Variants in YARS1 observed in about 807,000 individuals in gnomAD.
YARS1 encodes tyrosine--tRNA ligase, cytoplasmic.
YARS1 carries 36 observed loss-of-function variants against 62.2 expected under a neutral mutation model. The ratio of observed to expected loss-of-function variants is 0.58; its 90% CI spans 0.44 to 0.76. The LOEUF (loss-of-function observed/expected upper bound fraction) is 0.76, where lower values mean the gene tolerates loss of function less well. Ranked by LOEUF, YARS1 falls within the 30% of genes least tolerant of loss-of-function variation. The pLI is 0.00. For synonymous variants in YARS1, 234 were observed against 244.9 expected (o/e 0.96, Z 0.42); for missense variants, 524 against 639.8 (o/e 0.82, Z 1.95).
At chr1:32,804,616 G>A (rs1217739489) in intron 4 of YARS1, among the ~76,000 whole-genome samples, 3 of 151,286 alleles carry the variant, frequency 2.0e-5, no homozygotes, top group African/African-American at 7.3e-5. Flanking sequence ...GGACAGAGGC[G>A]CTCCTCACAT....
chr1:32,817,164 G>C (rs200678617), intron 1 of YARS1, 24 bp downstream of exon 1: 9 of 1,613,870 alleles, frequency 5.6e-6, no homozygotes, highest in Non-Finnish European at 7.6e-6. Context: ...CCCCAACGGC[G>C]CATTTCCAAC....
intron 7 of YARS1, 180 bp downstream of exon 7, chr1:32,786,760 A>AAT: frequency 1.1e-6 from 1 of 934,034 alleles, no homozygotes. Flanking sequence ...CCTGGTAACG[A>AAT]ATATATGGAC....
intron 3 of YARS1, 88 bp downstream of exon 3, chr1:32,810,503 C>T: frequency 6.4e-7 from 1 of 1,554,090 alleles, no homozygotes; most frequent in Non-Finnish European, 8.9e-7. Context: ...AGCTTCTAAT[C>T]TAAATGTAAA....
At chr1:32,813,180 G>A (rs1018209634) in intron 1 of YARS1, among the ~76,000 whole-genome samples, 1 of 151,974 alleles carries the variant, frequency 6.6e-6, no homozygotes, top group East Asian at 1.9e-4. Flanking sequence ...TGTAACTTCT[G>A]TCTCCCCAAA....
intron 4 of YARS1, among the ~76,000 whole-genome samples, chr1:32,802,135 G>C (rs1638317693): frequency 6.6e-6 from 1 of 151,810 alleles, no homozygotes; most frequent in African/African-American, 2.4e-5. Context: ...TTTTAGTAGA[G>C]ACGGGGTTTC....
chr1:32,809,100 T>C (rs1228495838), intron 3 of YARS1, among the ~76,000 whole-genome samples: 1 of 152,124 alleles, frequency 6.6e-6, no homozygotes, highest in African/African-American at 2.4e-5. Context: ...TTTTCTTTTT[T>C]TTTTGAGATG....
In YARS1 at chr1:32,780,222, T is replaced by C. The variant is rs768603403; in HGVS notation, c.1197A>G (p.Pro399=). The stretch of plus-strand genomic sequence containing the variant: ...GTACCAGGCCGCTCACCACAGTCCG[T>C]GGTTCAGCTTCCCCCACGTCAATCT... The part of the protein sequence containing the change: ...VEKIDVGEAE[P]RTVVSGLVQF... The change falls in exon 11 of 13, where the codon CCA becomes CCG. Residue 399 remains proline (P), a synonymous_variant. Coordinates refer to ENST00000373477, the MANE Select transcript of YARS1 (RefSeq NM_003680.4). 11 of 1,614,022 alleles carry C rather than the reference T, an allele frequency of 6.8e-6. No homozygotes were observed. Among genetic ancestry groups the C allele is most frequent in the South Asian group, 1.1e-5 (1 of 91,086 alleles).
intron 4 of YARS1, among the ~76,000 whole-genome samples, chr1:32,801,482 AT>A (rs1400147517): frequency 6.6e-6 from 1 of 152,150 alleles, no homozygotes; most frequent in Non-Finnish European, 1.5e-5. Flanking sequence ...GCAAGTCATA[AT>A]CTTCTTGCTG....
At chr1:32,809,418 T>TA (rs1327585093) in intron 3 of YARS1, among the ~76,000 whole-genome samples, 1 of 152,106 alleles carries the variant, frequency 6.6e-6, no homozygotes, top group Non-Finnish European at 1.5e-5. Context: ...TCTTTTTTTT[T>TA]AGAGATGAGG....
rs11318209 is a variant in YARS1, at chr1:32,789,588, AT to A, written c.684+1573del. ...AAAATCTCTTGGGATTGGGCCAGGC[AT>A]TTTTTTTTTTTTTTTTTAAGACGGA... is the stretch of plus-strand genomic sequence containing the variant. On this transcript the variant is annotated intron_variant, in intron 6 of 12. Coordinates refer to ENST00000373477, the MANE Select transcript of YARS1 (RefSeq NM_003680.4). 6.0e-3 allele frequency among the ~76,000 whole-genome samples: 817 copies of A among 136,308 alleles called. 1 individual carries two copies. The highest frequency in any genetic ancestry group is 7.2e-3 in the African/African-American group (269 of 37,112). 89.4% of individuals were successfully genotyped at this position (136,308 alleles called of 152,430 possible).
intron 4 of YARS1, among the ~76,000 whole-genome samples, chr1:32,805,310 C>T (rs957761631): frequency 4.2e-5 from 6 of 143,342 alleles, no homozygotes; most frequent in Middle Eastern, 7.3e-3. Context: ...CCACCTTGCA[C>T]TTTTATGTTA....
chr1:32,815,781 A>G (rs578073453), intron 1 of YARS1, among the ~76,000 whole-genome samples: 2 of 152,312 alleles, frequency 1.3e-5, no homozygotes, highest in South Asian at 2.1e-4. Context: ...GGTAATAGGT[A>G]GCGTCTGCTA....
Position 32,801,184 on chromosome 1 carries a change from C to T in YARS1, c.511-3341G>A, listed in dbSNP as rs146970400. Reference sequence around the variant, plus strand: ...GGAAGACGAGAGACACACAGGAAGGCCTATAGGTTGGAGAAGGAATAGAAA... The same window carrying T: ...GGAAGACGAGAGACACACAGGAAGGTCTATAGGTTGGAGAAGGAATAGAAA... On this transcript the variant is annotated intron_variant, in intron 4 of 12. Coordinates refer to ENST00000373477, the MANE Select transcript of YARS1 (RefSeq NM_003680.4). 5.9e-3 allele frequency among the ~76,000 whole-genome samples: 893 copies of T among 152,166 alleles called. 6 individuals carry two copies. Among genetic ancestry groups the T allele is most frequent in the Middle Eastern group, 0.01 (3 of 294 alleles).
chr1:32,779,675 C>CG, intron 11 of YARS1, 152 bp from the exon 12 acceptor site: 1 of 932,990 alleles, frequency 1.1e-6, no homozygotes, highest in Non-Finnish European at 1.7e-6. Flanking sequence ...TATCTTGCTA[C>CG]ATCCCTGCAT....
chr1:32,805,989 T>C (rs1180600204), intron 4 of YARS1, among the ~76,000 whole-genome samples: 1 of 152,054 alleles, frequency 6.6e-6, no homozygotes, highest in Admixed American at 6.6e-5. Flanking sequence ...TAAAGTGAGC[T>C]ATGTGTGACT....
chr1:32,809,649 T>C (rs964323541), intron 3 of YARS1, among the ~76,000 whole-genome samples: 5 of 152,196 alleles, frequency 3.3e-5, no homozygotes, highest in South Asian at 2.1e-4. Context: ...TGGGTTCACA[T>C]CCTGACTCAT....
chr1:32,797,207 A>G (rs890340135), intron 5 of YARS1, among the ~76,000 whole-genome samples: 2 of 150,178 alleles, frequency 1.3e-5, no homozygotes, highest in Admixed American at 6.7e-5. Context: ...CCTCATCCCT[A>G]CAAGTAATTT....
intron 4 of YARS1, among the ~76,000 whole-genome samples, chr1:32,802,682 T>C (rs1169732659): frequency 6.6e-6 from 1 of 152,220 alleles, no homozygotes; most frequent in Non-Finnish European, 1.5e-5. Context: ...AGTAATGTTT[T>C]GAAAAGAATC....
intron 6 of YARS1, 116 bp downstream of exon 6, chr1:32,791,045 CT>C: frequency 1.0e-6 from 1 of 966,268 alleles, no homozygotes; most frequent in South Asian, 1.3e-5. Context: ...TGGTGTAAGG[CT>C]CCTTCTAACT....
Sources: gnomAD v4.1 joint callset for allele counts (sites outside exome capture counted in the v4.1 genomes callset) on GRCh38, gnomAD v4.1.1 for gene constraint, MANE v1.5 for transcripts, NCBI Gene and HGNC (gene_info 2026-07-23, HGNC 2026-07-21) for gene names.